The following CD44 variants were observed in gnomAD, a reference collection of about 807,000 sequenced individuals.
The protein encoded by CD44 is CD44 antigen.
A neutral mutation model predicts 88.8 loss-of-function variants in CD44; 49 were observed. That is an observed-to-expected ratio of 0.55 (90% CI 0.44 to 0.70). The LOEUF (loss-of-function observed/expected upper bound fraction) is 0.70. Among genes scored for constraint, CD44 ranks in the 30% least tolerant of loss-of-function variants. CD44 has a pLI of 0.00. For missense variants in CD44, 883 were observed against 913.8 expected (o/e 0.97, Z 0.43); for synonymous variants, 325 against 312.3 (o/e 1.04, Z -0.43).
chr11:35,190,162 G>C, intron 5 of CD44, 97 bp downstream of exon 5: 1 of 1,064,378 alleles, frequency 9.4e-7, no homozygotes, highest in Non-Finnish European at 1.4e-6. Flanking sequence ...TGATTTTCTC[G>C]TCTCTAGACA....
chr11:35,221,644 C>T lies in CD44; in HGVS notation c.1946-10C>T, dbSNP rs1340000843. The T allele has an allele frequency of 8.1e-6, 13 of 1,611,708 alleles. No homozygotes were observed. The highest frequency in any genetic ancestry group is 4.2e-6 in the Non-Finnish European group (5 of 1,177,878). On this transcript the variant is annotated splice_polypyrimidine_tract_variant and intron_variant, in intron 16 of 17. Coordinates refer to ENST00000428726, the MANE Select transcript of CD44 (RefSeq NM_000610.4). ...AAGCTCACGCATGTCATTTAATTTA[C>T]TCATACCAGAATGGCTGATCATCTT...
At chr11:35,205,408 T>C (rs1054114962) in intron 10 of CD44, among the ~76,000 whole-genome samples, 1 of 151,956 alleles carries the variant, frequency 6.6e-6, no homozygotes, top group Non-Finnish European at 1.5e-5. Context: ...CATGTCCTTC[T>C]GGGGCATGGC....
chr11:35,210,185 C>T (rs905451652), intron 13 of CD44, 131 bp downstream of exon 13: 57 of 544,352 alleles, frequency 1.0e-4, no homozygotes, highest in African/African-American at 9.5e-4. Flanking sequence ...TCAAAAGGTG[C>T]GTCTGGTGGT....
intron 14 of CD44, 82 bp downstream of exon 14, chr11:35,211,531 G>C (rs865996393): frequency 1.1e-5 from 11 of 1,025,866 alleles, no homozygotes; most frequent in Non-Finnish European, 1.6e-5. Context: ...GACATTTTCT[G>C]TGTAGTCTGG....
chr11:35,209,859 C>T (rs569761281), intron 12 of CD44, 106 bp from the exon 13 acceptor site: 2 of 691,320 alleles, frequency 2.9e-6, no homozygotes, highest in South Asian at 3.5e-5. Flanking sequence ...TCTTCCTATG[C>T]ACCTATCCAT....
intron 5 of CD44, chr11:35,190,358 T>C: frequency 2.1e-6 from 1 of 468,220 alleles, no homozygotes. Context: ...TCCCCAGGTA[T>C]ACAGTAACAA....
intron 15 of CD44, chr11:35,218,869 A>C: frequency 6.3e-6 from 1 of 158,296 alleles, no homozygotes; most frequent in African/African-American, 2.4e-5. Context: ...TAACAACCAC[A>C]CACAACTACC....
intron 10 of CD44, chr11:35,204,939 C>T: frequency 3.6e-6 from 1 of 275,164 alleles, no homozygotes; most frequent in Non-Finnish European, 7.0e-6. Context: ...AGCAGAGGCC[C>T]TGATAAAATA....
intron 3 of CD44, 42 bp from the exon 4 acceptor site, chr11:35,186,790 A>T: frequency 9.0e-7 from 1 of 1,115,924 alleles, no homozygotes; most frequent in Non-Finnish European, 1.4e-6. Context: ...GATTTTCCTC[A>T]TGTTTTTAAA....
Position 35,180,415 on chromosome 11 carries a change from C to A in CD44, c.367+8C>A. 1 of 1,614,010 alleles carries A rather than the reference C, an allele frequency of 6.2e-7. No individual in the cohort carries two copies. Among genetic ancestry groups the A allele is most frequent in the East Asian group, 2.2e-5 (1 of 44,886 alleles). Reference sequence around the variant, plus strand: ...ATTGCTTCAATGCTTCAGGTTGGTTCTCAGGGGGGTGTCTGTTGGCGTGAA... The same window carrying A: ...ATTGCTTCAATGCTTCAGGTTGGTTATCAGGGGGGTGTCTGTTGGCGTGAA... On this transcript the variant is annotated splice_region_variant and intron_variant, in intron 3 of 17. Coordinates refer to ENST00000428726, the MANE Select transcript of CD44 (RefSeq NM_000610.4).
chr11:35,211,504 A>T, intron 14 of CD44, 55 bp downstream of exon 14: 3 of 1,296,572 alleles, frequency 2.3e-6, no homozygotes, highest in Non-Finnish European at 3.3e-6. Flanking sequence ...AACAATATAT[A>T]GTTTCATATT....
At chr11:35,226,547 A>G (rs1034428978) in intron 17 of CD44, among the ~76,000 whole-genome samples, 6 of 152,192 alleles carry the variant, frequency 3.9e-5, no homozygotes, top group African/African-American at 1.2e-4. Flanking sequence ...TGTTATATTA[A>G]CAATTATAGA....
In CD44 at chr11:35,139,223, C is replaced by A; in HGVS notation, c.-81C>A. 1 of 1,135,508 alleles carries A rather than the reference C, an allele frequency of 8.8e-7. No homozygotes were observed. Among genetic ancestry groups the A allele is most frequent in the South Asian group, 1.3e-5 (1 of 74,816 alleles). The allele number at this position is 1,135,508 out of a possible 1,614,324, so 70.3% of individuals were successfully genotyped here. On this transcript the variant is annotated 5_prime_UTR_variant, in exon 1 of 18. Coordinates refer to ENST00000428726, the MANE Select transcript of CD44 (RefSeq NM_000610.4). ...GCCAGGTTCGGTCCGCCATCCTCGT[C>A]CCGTCCTCCGCCGGCCCCTGCCCCG...
chr11:35,142,166 G>A (rs1025910577), intron 1 of CD44, among the ~76,000 whole-genome samples: 8 of 152,102 alleles, frequency 5.3e-5, no homozygotes, highest in African/African-American at 1.7e-4. Context: ...CCTTGTCTCT[G>A]TGGGTGAGGG....
At chr11:35,144,991 A>G (rs2133043410) in intron 1 of CD44, among the ~76,000 whole-genome samples, 1 of 152,332 alleles carries the variant, frequency 6.6e-6, no homozygotes, top group African/African-American at 2.4e-5. Context: ...ACGTACCAAG[A>G]TAAGCCACAT....
chr11:35,196,716 C>T, intron 5 of CD44, 30 bp from the exon 6 acceptor site: 1 of 1,607,986 alleles, frequency 6.2e-7, no homozygotes. Flanking sequence ...ATTAATCTTT[C>T]AACAATCAAT....
chr11:35,208,280 T>C (rs1257936926), intron 12 of CD44, 74 bp downstream of exon 12: 2 of 1,004,396 alleles, frequency 2.0e-6, no homozygotes, highest in Non-Finnish European at 3.2e-6. Context: ...TTGGCCAAGA[T>C]GCAGAGCTTT....
chr11:35,223,036 C>T lies in CD44; in HGVS notation c.2024+1304C>T, dbSNP rs369085950. 5.2e-4 allele frequency: 517 copies of T among 985,308 alleles called. 2 individuals carry two copies. In the Middle Eastern group the frequency reaches 5.7e-3, roughly 11 times the overall value. 61.0% of individuals were successfully genotyped at this position (985,308 alleles called of 1,614,324 possible). A position where few individuals can be genotyped will look rare whatever the true frequency, so the allele number is the denominator to read the frequency against. On this transcript the variant is annotated intron_variant, in intron 17 of 17. Coordinates refer to ENST00000428726, the MANE Select transcript of CD44 (RefSeq NM_000610.4). ...TCAAATGATGCTGTTACAATAATTA[C>T]GCTGGTACAAGTTAATAAAAGTGCC...
chr11:35,174,171 T>C (rs914585724), intron 1 of CD44, among the ~76,000 whole-genome samples: 3 of 152,182 alleles, frequency 2.0e-5, no homozygotes, highest in African/African-American at 2.4e-5. Flanking sequence ...GAAAGGAGAC[T>C]ATAGGCTCTA....
Sources: allele counts gnomAD v4.1 joint callset (sites outside exome capture counted in the v4.1 genomes callset), GRCh38; gene constraint gnomAD v4.1.1; transcripts MANE v1.5; gene names NCBI Gene and HGNC (gene_info 2026-07-23, HGNC 2026-07-21).